The following CNTNAP4 variants were observed in gnomAD, a reference collection of about 807,000 sequenced individuals.
CNTNAP4 encodes the protein contactin associated protein family member 4.
Under a neutral mutation model 148.4 loss-of-function variants are expected in CNTNAP4, and 98 were observed. That is an observed-to-expected ratio of 0.66 (90% CI 0.56 to 0.78). CNTNAP4 has a LOEUF of 0.78. CNTNAP4 is among the 30% of genes least tolerant of loss of function. CNTNAP4 has a pLI of 0.00. For missense variants in CNTNAP4, 1,935 were observed against 1,565.6 expected, an observed-to-expected ratio of 1.24 and a Z score of -3.98; for synonymous variants, 730 against 565.1, an observed-to-expected ratio of 1.29 and a Z score of -4.14.
chr16:76,390,935 G>T (rs1413650895), intron 3 of CNTNAP4, among the ~76,000 whole-genome samples: 1 of 151,978 alleles, frequency 6.6e-6, no homozygotes, highest in Non-Finnish European at 1.5e-5. Context: ...TTTGATATGG[G>T]CATGCAATGG....
chr16:76,514,573 A>G (rs1370451317), intron 15 of CNTNAP4, among the ~76,000 whole-genome samples: 2 of 152,150 alleles, frequency 1.3e-5, no homozygotes, highest in East Asian at 3.9e-4. Context: ...CTGTATGTGC[A>G]TGTGTGGGGG....
At chr16:76,285,438 G>A (rs917602956) in intron 1 of CNTNAP4, among the ~76,000 whole-genome samples, 5 of 151,778 alleles carry the variant, frequency 3.3e-5, no homozygotes, top group East Asian at 1.9e-4. Flanking sequence ...AAATCACAAC[G>A]GAAAAAAATG....
At chr16:76,393,067 T>A (rs1252728439) in intron 3 of CNTNAP4, among the ~76,000 whole-genome samples, 1 of 152,226 alleles carries the variant, frequency 6.6e-6, no homozygotes, top group Non-Finnish European at 1.5e-5. Flanking sequence ...ATTGAGCTAG[T>A]CTTTCCTCTG....
Position 76,559,373 on chromosome 16 carries a change from G to A in CNTNAP4, c.*690G>A, listed in dbSNP as rs890811447. ...TTGTATTTAACAAGACTCAGAAAGT[G>A]CAGTGGTTGTTAGTATGTAATGTCT... On this transcript the variant is annotated 3_prime_UTR_variant, in exon 24 of 24. Coordinates refer to ENST00000611870, the MANE Select transcript of CNTNAP4 (RefSeq NM_033401.5). 1.3e-5 allele frequency: 2 copies of A among 152,028 alleles called. No individual in the cohort carries two copies. The highest frequency in any genetic ancestry group is 4.8e-5 in the African/African-American group (2 of 41,426). 9.4% of individuals were successfully genotyped at this position (152,028 alleles called of 1,614,324 possible). A position where few individuals can be genotyped will look rare whatever the true frequency, so the allele number is the denominator to read the frequency against.
intron 4 of CNTNAP4, among the ~76,000 whole-genome samples, chr16:76,434,773 C>T (rs1019699734): frequency 1.6e-4 from 25 of 152,142 alleles, no homozygotes; most frequent in African/African-American, 5.1e-4. Context: ...GTGGAGGTTC[C>T]GCCAGCTGCT....
intron 2 of CNTNAP4, among the ~76,000 whole-genome samples, chr16:76,343,849 G>A (rs766576908): frequency 6.6e-6 from 1 of 152,082 alleles, no homozygotes; most frequent in African/African-American, 2.4e-5. Flanking sequence ...TAATGGTAAT[G>A]TATCATGATT....
chr16:76,396,014 C>A (rs1304614705), intron 3 of CNTNAP4, among the ~76,000 whole-genome samples: 2 of 152,146 alleles, frequency 1.3e-5, no homozygotes, highest in Non-Finnish European at 2.9e-5. Flanking sequence ...CAGGCATGAG[C>A]CACTGTGTCT....
intron 1 of CNTNAP4, among the ~76,000 whole-genome samples, chr16:76,302,243 G>A (rs538008626): frequency 2.0e-5 from 3 of 152,112 alleles, no homozygotes; most frequent in Non-Finnish European, 4.4e-5. Flanking sequence ...AGGGCAAGTA[G>A]ATCTGACAAA....
chr16:76,412,376 G>A (rs1485479445), intron 3 of CNTNAP4, among the ~76,000 whole-genome samples: 1 of 151,194 alleles, frequency 6.6e-6, no homozygotes, highest in African/African-American at 2.4e-5. Context: ...CTTCAGAGTG[G>A]AATTGCCAAC....
rs187819200 is a variant in CNTNAP4 at position 76,506,524 on chromosome 16, C to T, written c.2365+7830C>T. Among the ~76,000 whole-genome samples, 557 of 77,288 alleles carry T rather than the reference C, an allele frequency of 7.2e-3. 61 individuals carry two copies. The highest frequency in any genetic ancestry group is 0.015 in the African/African-American group (516 of 34,436). 50.7% of individuals were successfully genotyped at this position (77,288 alleles called of 152,430 possible). A position where few individuals can be genotyped will look rare whatever the true frequency, so the allele number is the denominator to read the frequency against. On this transcript the variant is annotated intron_variant, in intron 15 of 23. Transcript: ENST00000611870. ...TTGACAGAATTGCCCTCTGTTGCCC[C>T]GGCTGGAATGCAGTTGGCTCATTGC...
chr16:76,544,628 A>G (rs571803118), intron 21 of CNTNAP4, among the ~76,000 whole-genome samples: 1 of 152,282 alleles, frequency 6.6e-6, no homozygotes, highest in African/African-American at 2.4e-5. Context: ...AGCAGACTAC[A>G]TTGCATTTGC....
chr16:76,522,052 GA>G lies in CNTNAP4; in HGVS notation c.2551del (p.Thr851LeufsTer29), dbSNP rs1481584169. ...TAATATTTCCAGCTCCGACAGTAGT[GA>G]CTTTTTCATTTGATGTGGGGAATGG... ...RIELRSPTVVTFSFDVGNGPF... is the reference protein window; with the variant it reads ...RIELRSPTVVXFSFDVGNGPF... On this transcript the variant is annotated frameshift_variant, in exon 17 of 24. Coordinates refer to ENST00000611870, the MANE Select transcript of CNTNAP4 (RefSeq NM_033401.5). LOFTEE classifies it high-confidence loss of function. The G allele has an allele frequency of 6.2e-7, 1 of 1,613,852 alleles. No individual in the cohort carries two copies. Among genetic ancestry groups the G allele is most frequent in the Non-Finnish European group, 8.5e-7 (1 of 1,179,786 alleles).
At position 76,540,751 on chromosome 16, in the gene CNTNAP4, T is replaced by A; in HGVS notation, c.3403T>A (p.Phe1135Ile). ...AGTTCACCTGTCATCAGGCACAGAA[T>A]TCAGTGCAGTCAAATCTCTGGTATT... Reference protein sequence around the residue: ...RQVHLSSGTEFSAVKSLVLGR... With the variant: ...RQVHLSSGTEISAVKSLVLGR... Residue 1135 changes from phenylalanine to isoleucine, a missense_variant, in exon 21 of 24, where the codon TTC becomes ATC. By Grantham distance (21) the Phe-to-Ile change is conservative. Transcript: ENST00000611870. 1 of 1,577,564 alleles carries A rather than the reference T, an allele frequency of 6.3e-7. No homozygotes were observed.
chr16:76,349,690 T>A lies in CNTNAP4; in HGVS notation c.197-5628T>A, dbSNP rs1351310898. ...TGGAGGGAAACTTTCTTATGACAAT[T>A]TTAATTAAGCCAATTATTTTCTAGG... On this transcript the variant is annotated intron_variant, in intron 2 of 23. Transcript: ENST00000611870. Among the ~76,000 whole-genome samples, 5 of 152,184 alleles carry A rather than the reference T, an allele frequency of 3.3e-5. No homozygotes were observed. In the East Asian group the frequency reaches 9.6e-4, roughly 29 times the overall value.
intron 3 of CNTNAP4, among the ~76,000 whole-genome samples, chr16:76,377,680 C>G (rs192312411): frequency 6.6e-6 from 1 of 152,262 alleles, no homozygotes; most frequent in Non-Finnish European, 1.5e-5. Context: ...TTTGCTATCA[C>G]CAGCTGACAC....
intron 12 of CNTNAP4, among the ~76,000 whole-genome samples, chr16:76,486,976 C>G (rs147191777): frequency 5.7e-4 from 87 of 152,254 alleles, no homozygotes; most frequent in African/African-American, 2.0e-3. Context: ...TCCTCTGTGT[C>G]TGTTAGTATA....
chr16:76,513,136 A>T (rs913269819), intron 15 of CNTNAP4, among the ~76,000 whole-genome samples: 1 of 152,164 alleles, frequency 6.6e-6, no homozygotes, highest in Admixed American at 6.5e-5. Flanking sequence ...CAGTAAATAA[A>T]TCCCTGCATT....
chr16:76,448,638 A>G (rs781662610), intron 5 of CNTNAP4, 129 bp from the exon 6 acceptor site: 16 of 626,784 alleles, frequency 2.6e-5, no homozygotes, highest in African/African-American at 1.9e-4. Flanking sequence ...AATGCATCCT[A>G]GTATTTGAAA....
chr16:76,299,747 A>G (rs557140908), intron 1 of CNTNAP4, among the ~76,000 whole-genome samples: 39 of 152,344 alleles, frequency 2.6e-4, no homozygotes, highest in African/African-American at 9.4e-4. Context: ...AACCAGGCCA[A>G]ATGTCCAACA....
Sources: gnomAD v4.1 joint callset for allele counts (sites outside exome capture counted in the v4.1 genomes callset) on GRCh38, gnomAD v4.1.1 for gene constraint, MANE v1.5 for transcripts, NCBI Gene and HGNC (gene_info 2026-07-23, HGNC 2026-07-21) for gene names.